Variants in NLGN1 observed in about 807,000 individuals in gnomAD.
NLGN1 encodes neuroligin-1.
Under a neutral mutation model 65.5 loss-of-function variants are expected in NLGN1, and 12 were observed. The observed-to-expected ratio is 0.18, with a 90% CI of 0.12 to 0.30. The LOEUF (loss-of-function observed/expected upper bound fraction) is 0.30. Ranked by LOEUF, NLGN1 falls within the 10% of genes least tolerant of loss-of-function variation. The probability of loss-of-function intolerance (pLI) is 1.00; values close to 1 mark genes in which losing one functional copy is unlikely to be tolerated. For synonymous variants in NLGN1, 350 were observed against 359.5 expected (o/e 0.97, Z 0.30); for missense variants, 750 against 1,007.1 (o/e 0.74, Z 3.46).
chr3:173,815,466 CCAA>C (rs1030447969), intron 4 of NLGN1, among the ~76,000 whole-genome samples: 15 of 152,212 alleles, frequency 9.9e-5, no homozygotes, highest in Admixed American at 7.2e-4. Context: ...CTCTAGATTG[CCAA>C]CTTCATTAGT....
intron 4 of NLGN1, among the ~76,000 whole-genome samples, chr3:173,877,484 A>G (rs372881611): frequency 2.1e-5 from 3 of 146,292 alleles, no homozygotes; most frequent in East Asian, 4.1e-4. Flanking sequence ...AAAACAGAGA[A>G]AAAAAAAAAG....
At chr3:173,622,447 G>A (rs1197439006) in intron 3 of NLGN1, among the ~76,000 whole-genome samples, 2 of 152,034 alleles carry the variant, frequency 1.3e-5, no homozygotes, top group Non-Finnish European at 2.9e-5. Context: ...AATACAGAAT[G>A]TGGGACATGA....
upstream of NLGN1, chr3:173,397,715 AGTCCCGGCCT>A (rs1320296404): frequency 2.6e-5 from 4 of 152,146 alleles, no homozygotes; most frequent in African/African-American, 9.7e-5. Flanking sequence ...TTCAATTCGG[AGTCCCGGCCT>A]GTGGGCGGGC....
intron 3 of NLGN1, among the ~76,000 whole-genome samples, chr3:173,661,632 T>A (rs971773024): frequency 6.6e-6 from 1 of 152,052 alleles, no homozygotes; most frequent in Non-Finnish European, 1.5e-5. Context: ...TAAAGCTGTT[T>A]CATCAGACAT....
intron 3 of NLGN1, among the ~76,000 whole-genome samples, chr3:173,655,757 A>T (rs1394760501): frequency 1.3e-4 from 6 of 45,992 alleles, no homozygotes; most frequent in Admixed American, 2.1e-4. Context: ...AGTTAAAATT[A>T]AAAAAAAAAA....
intron 4 of NLGN1, among the ~76,000 whole-genome samples, chr3:174,186,602 A>T (rs1213506959): frequency 6.6e-6 from 1 of 152,028 alleles, no homozygotes; most frequent in Non-Finnish European, 1.5e-5. Flanking sequence ...GAGTCAGAAC[A>T]GGTTTCTGTG....
intron 2 of NLGN1, among the ~76,000 whole-genome samples, chr3:173,569,626 G>A (rs1347217650): frequency 8.0e-6 from 1 of 125,020 alleles, no homozygotes; most frequent in East Asian, 2.2e-4. Context: ...CCTTTTTAAT[G>A]CTATTTGTTT....
intron 4 of NLGN1, among the ~76,000 whole-genome samples, chr3:174,073,122 T>C (rs1167733183): frequency 1.3e-5 from 2 of 152,118 alleles, no homozygotes; most frequent in Non-Finnish European, 2.9e-5. Flanking sequence ...TCTAATCATA[T>C]TTTTAAGAGA....
At chr3:173,795,028 A>G (rs1276713747) in intron 3 of NLGN1, among the ~76,000 whole-genome samples, 1 of 152,088 alleles carries the variant, frequency 6.6e-6, no homozygotes, top group Non-Finnish European at 1.5e-5. Context: ...CTGAAGGAAT[A>G]TATTTTGTGT....
At chr3:173,441,587 T>G (rs1189418636) in intron 2 of NLGN1, among the ~76,000 whole-genome samples, 1 of 152,064 alleles carries the variant, frequency 6.6e-6, no homozygotes, top group Non-Finnish European at 1.5e-5. Context: ...AGTGGAGCAG[T>G]CAGAACACAC....
chr3:173,423,237 A>G (rs1027236853), intron 1 of NLGN1, among the ~76,000 whole-genome samples: 1 of 152,232 alleles, frequency 6.6e-6, no homozygotes, highest in East Asian at 1.9e-4. Context: ...CATTGGGATT[A>G]CAATTTGAGA....
chr3:173,954,311 T>C (rs1483589189), intron 4 of NLGN1, among the ~76,000 whole-genome samples: 1 of 152,102 alleles, frequency 6.6e-6, no homozygotes, highest in African/African-American at 2.4e-5. Flanking sequence ...GATGTAATCA[T>C]CTACATCAGT....
chr3:174,114,026 T>G (rs1232699777), intron 4 of NLGN1, among the ~76,000 whole-genome samples: 1 of 152,172 alleles, frequency 6.6e-6, no homozygotes, highest in Non-Finnish European at 1.5e-5. Context: ...TGCTCTCTTC[T>G]CTAACTTTAT....
At chr3:174,186,019 A>G (rs1022467878) in intron 4 of NLGN1, among the ~76,000 whole-genome samples, 7 of 152,178 alleles carry the variant, frequency 4.6e-5, no homozygotes, top group Middle Eastern at 3.4e-3. Context: ...TAGGTACCCA[A>G]TAAATTTTAC....
chr3:174,086,183 A>ATGTGTGTGTG (rs140331992), intron 4 of NLGN1, among the ~76,000 whole-genome samples: 14 of 143,978 alleles, frequency 9.7e-5, no homozygotes, highest in East Asian at 4.0e-4. Flanking sequence ...AAGTATATAT[A>ATGTGTGTGTG]TGTGTGTGTG....
chr3:173,977,644 C>T (rs538371199), intron 4 of NLGN1, among the ~76,000 whole-genome samples: 1 of 151,348 alleles, frequency 6.6e-6, no homozygotes, highest in Non-Finnish European at 1.5e-5. Flanking sequence ...TATTTATTGA[C>T]CTAGAAAAAA....
chr3:173,691,102 T>C (rs1765400932), intron 3 of NLGN1, among the ~76,000 whole-genome samples: 1 of 152,144 alleles, frequency 6.6e-6, no homozygotes, highest in Admixed American at 6.6e-5. Context: ...ATTCAAGGAA[T>C]GATTGGTAGT....
chr3:173,986,434 A>T (rs962783172), intron 4 of NLGN1, among the ~76,000 whole-genome samples: 37 of 152,126 alleles, frequency 2.4e-4, no homozygotes, highest in African/African-American at 8.0e-4. Flanking sequence ...GGGCCACTGC[A>T]CTCCAGCCTA....
At chr3:173,548,996 C>T (rs1740389841) in intron 2 of NLGN1, among the ~76,000 whole-genome samples, 1 of 151,938 alleles carries the variant, frequency 6.6e-6, no homozygotes, top group Non-Finnish European at 1.5e-5. Context: ...TCTATTGTTA[C>T]TCCTTACGAA....
Sources: gnomAD v4.1 joint callset for allele counts (sites outside exome capture counted in the v4.1 genomes callset) on GRCh38, gnomAD v4.1.1 for gene constraint, MANE v1.5 for transcripts, NCBI Gene and HGNC (gene_info 2026-07-23, HGNC 2026-07-21) for gene names.